Variants in ARHGAP44 observed in about 807,000 individuals in gnomAD.
ARHGAP44 encodes Rho GTPase activating protein 44.
In ARHGAP44, 43 loss-of-function variants were observed where a neutral mutation model predicts 106.8. That is an observed-to-expected ratio of 0.40 (90% CI 0.32 to 0.52). The LOEUF is 0.52. ARHGAP44 is among the 20% of genes least tolerant of loss of function. The pLI is 0.48. For missense variants in ARHGAP44, 866 were observed against 1,050.5 expected (o/e 0.82, Z 2.43); for synonymous variants, 439 against 410.3 (o/e 1.07, Z -0.85).
chr17:12,987,922 G>C (rs2143477940), intron 20 of ARHGAP44: 1 of 152,372 alleles, frequency 6.6e-6, no homozygotes, highest in East Asian at 1.9e-4. Flanking sequence ...AAGGAAGCCA[G>C]AAGGACTTTG....
At chr17:12,894,311 GAGA>G (rs2037140735) in intron 1 of ARHGAP44, among the ~76,000 whole-genome samples, 2 of 150,668 alleles carry the variant, frequency 1.3e-5, no homozygotes, top group Admixed American at 1.3e-4. Flanking sequence ...GAGAGGGGGA[GAGA>G]GAGAGAGAGA....
intron 13 of ARHGAP44, among the ~76,000 whole-genome samples, chr17:12,953,259 C>T (rs1164694422): frequency 2.0e-5 from 3 of 152,190 alleles, no homozygotes; most frequent in Non-Finnish European, 1.5e-5. Flanking sequence ...CGAGCTTCCA[C>T]TTCCGGCGCG....
chr17:12,868,693 G>T (rs1331964487), intron 1 of ARHGAP44, among the ~76,000 whole-genome samples: 1 of 144,902 alleles, frequency 6.9e-6, no homozygotes, highest in Non-Finnish European at 1.5e-5. Flanking sequence ...GTTTTGCTCT[G>T]TCACCTAGAG....
At chr17:12,873,642 A>G (rs2036465304) in intron 1 of ARHGAP44, among the ~76,000 whole-genome samples, 1 of 152,230 alleles carries the variant, frequency 6.6e-6, no homozygotes, top group South Asian at 2.1e-4. Flanking sequence ...TCACGCCTAT[A>G]ATCCCAGCAC....
At chr17:12,871,495 A>G (rs2036406650) in intron 1 of ARHGAP44, among the ~76,000 whole-genome samples, 1 of 152,112 alleles carries the variant, frequency 6.6e-6, no homozygotes, top group Non-Finnish European at 1.5e-5. Context: ...AAGGGGAAGC[A>G]ATCATGTCTT....
At chr17:12,840,993 T>C (rs2035374396) in intron 1 of ARHGAP44, among the ~76,000 whole-genome samples, 1 of 152,212 alleles carries the variant, frequency 6.6e-6, no homozygotes, top group Non-Finnish European at 1.5e-5. Context: ...TCATAGTGTG[T>C]GTGTGGGTGA....
chr17:12,972,734 T>C (rs1298136747), intron 16 of ARHGAP44, among the ~76,000 whole-genome samples: 1 of 150,658 alleles, frequency 6.6e-6, no homozygotes. Context: ...CAGTCTCGGC[T>C]CACTGCAAGC....
intron 1 of ARHGAP44, among the ~76,000 whole-genome samples, chr17:12,802,209 C>T (rs1476884757): frequency 2.0e-5 from 3 of 152,200 alleles, no homozygotes; most frequent in Non-Finnish European, 4.4e-5. Context: ...CTGAAATTTG[C>T]TGGTTCCCCC....
chr17:12,876,130 C>G (rs2036550354), intron 1 of ARHGAP44, among the ~76,000 whole-genome samples: 1 of 152,120 alleles, frequency 6.6e-6, no homozygotes, highest in Admixed American at 6.5e-5. Flanking sequence ...TTTTATCAGG[C>G]CCCTGCAGCT....
chr17:12,792,387 C>T (rs1018445926), intron 1 of ARHGAP44, among the ~76,000 whole-genome samples: 5 of 152,126 alleles, frequency 3.3e-5, no homozygotes, highest in Non-Finnish European at 7.3e-5. Flanking sequence ...CTGTTGTATG[C>T]CTGTGTAGAT....
chr17:12,989,115 A>AC (rs1308864235), intron 20 of ARHGAP44, among the ~76,000 whole-genome samples: 1 of 145,992 alleles, frequency 6.8e-6, no homozygotes, highest in African/African-American at 2.5e-5. Context: ...AAAAAAAAAA[A>AC]AAAAAAAAAA....
intron 1 of ARHGAP44, among the ~76,000 whole-genome samples, chr17:12,843,602 C>T (rs2035480819): frequency 6.6e-6 from 1 of 150,792 alleles, no homozygotes; most frequent in Non-Finnish European, 1.5e-5. Context: ...GGGAATGACC[C>T]ATTCTAGAAA....
intron 1 of ARHGAP44, among the ~76,000 whole-genome samples, chr17:12,833,781 G>C (rs758783398): frequency 2.6e-5 from 4 of 152,196 alleles, no homozygotes; most frequent in African/African-American, 9.7e-5. Context: ...TCTGGAAGCA[G>C]GCGCTTCCAC....
intron 6 of ARHGAP44, among the ~76,000 whole-genome samples, chr17:12,920,946 C>T (rs1295629011): frequency 1.3e-5 from 2 of 152,092 alleles, no homozygotes; most frequent in Non-Finnish European, 2.9e-5. Context: ...TTATTTTTTA[C>T]AGTGGGATAT....
chr17:12,830,929 G>A lies in ARHGAP44; in HGVS notation c.53+41038G>A, dbSNP rs562094309. On this transcript the variant is annotated intron_variant, in intron 1 of 20. Transcript: ENST00000379672. Reference sequence around the variant, plus strand: ...AAGGGACATTATCCCATATATCAAAGCAGAAGTGAAAATAAAGTTGACTTT... The same window carrying A: ...AAGGGACATTATCCCATATATCAAAACAGAAGTGAAAATAAAGTTGACTTT... Among the ~76,000 whole-genome samples, 64 of 152,286 alleles carry A rather than the reference G, an allele frequency of 4.2e-4. No homozygotes were observed. The South Asian group carries it at 0.013, about 31-fold the overall frequency.
intron 1 of ARHGAP44, among the ~76,000 whole-genome samples, chr17:12,808,304 C>T (rs1261922619): frequency 6.6e-6 from 1 of 152,260 alleles, no homozygotes; most frequent in Non-Finnish European, 1.5e-5. Flanking sequence ...ATCCACTAGA[C>T]AGTGCCCCAG....
chr17:12,932,345 A>G (rs1015727002), intron 7 of ARHGAP44, among the ~76,000 whole-genome samples: 11 of 152,178 alleles, frequency 7.2e-5, no homozygotes, highest in African/African-American at 2.2e-4. Flanking sequence ...TGAATTGCCT[A>G]TTTGCATTGG....
At position 12,967,729 on chromosome 17, in the gene ARHGAP44, C is replaced by T. The variant is rs376748811; in HGVS notation, c.1524-5573C>T. Among the ~76,000 whole-genome samples the T allele has an allele frequency of 1.1e-4, 17 of 152,160 alleles. No homozygotes were observed. The East Asian group carries it at 2.3e-3, about 21-fold the overall frequency. ...ATTGCTTCCCTCTTGAACCCTGAGC[C>T]GTCGTTCCACTGGTCCTGGGCCTAA... On this transcript the variant is annotated intron_variant, in intron 16 of 20. Coordinates refer to ENST00000379672, the MANE Select transcript of ARHGAP44 (RefSeq NM_014859.6).
chr17:12,900,699 G>A (rs553761013), intron 3 of ARHGAP44, among the ~76,000 whole-genome samples: 1 of 152,088 alleles, frequency 6.6e-6, no homozygotes, highest in South Asian at 2.1e-4. Context: ...CACCACCCAG[G>A]GGGAGGCAAG....
Sources: allele counts gnomAD v4.1 joint callset (sites outside exome capture counted in the v4.1 genomes callset), GRCh38; gene constraint gnomAD v4.1.1; transcripts MANE v1.5; gene names NCBI Gene and HGNC (gene_info 2026-07-23, HGNC 2026-07-21).